The following KIAA0319L variants were observed in gnomAD, a reference collection of about 807,000 sequenced individuals.
The protein encoded by KIAA0319L is dyslexia-associated protein KIAA0319-like protein.
A neutral mutation model predicts 120.1 loss-of-function variants in KIAA0319L; 55 were observed. The observed-to-expected ratio is 0.46, with a 90% CI of 0.37 to 0.57. KIAA0319L has a LOEUF of 0.57. KIAA0319L is among the 20% of genes least tolerant of loss of function. KIAA0319L has a pLI of 0.00. For synonymous variants in KIAA0319L, 398 were observed against 471.9 expected (o/e 0.84, Z 2.03); for missense variants, 1,049 against 1,255.3 (o/e 0.84, Z 2.48).
intron 16 of KIAA0319L, among the ~76,000 whole-genome samples, chr1:35,446,418 C>T (rs1453325495): frequency 2.0e-5 from 3 of 152,204 alleles, no homozygotes; most frequent in African/African-American, 7.2e-5. Context: ...AATCCTACCT[C>T]CCATATTATT....
At chr1:35,519,321 A>T (rs1344659556) in intron 2 of KIAA0319L, among the ~76,000 whole-genome samples, 3 of 152,186 alleles carry the variant, frequency 2.0e-5, no homozygotes, top group Non-Finnish European at 4.4e-5. Flanking sequence ...TAAAAAAAAT[A>T]AAATAAAAGT....
chr1:35,511,175 T>A (rs918430953), intron 2 of KIAA0319L: 3 of 153,644 alleles, frequency 2.0e-5, no homozygotes, highest in Non-Finnish European at 4.4e-5. Context: ...AGAAAACTCA[T>A]AGTGGAAATA....
At chr1:35,447,668 C>A (rs988283645) in intron 16 of KIAA0319L, among the ~76,000 whole-genome samples, 3 of 151,424 alleles carry the variant, frequency 2.0e-5, no homozygotes, top group African/African-American at 7.3e-5. Flanking sequence ...AACCCCTGGG[C>A]TCAAGTAATT....
At chr1:35,477,405 C>T (rs141150986) in intron 4 of KIAA0319L, among the ~76,000 whole-genome samples, 2,317 of 152,266 alleles carry the variant, frequency 0.015, 55 homozygotes, top group African/African-American at 0.052. Context: ...CGGTGGCTCA[C>T]GCCTGTAATC....
chr1:35,526,041 T>C (rs942749325), intron 2 of KIAA0319L, among the ~76,000 whole-genome samples: 2 of 152,038 alleles, frequency 1.3e-5, no homozygotes, highest in African/African-American at 4.8e-5. Flanking sequence ...TCTAGTTTCA[T>C]TCTTCTGTGT....
chr1:35,515,317 A>C (rs1645636800), intron 2 of KIAA0319L, among the ~76,000 whole-genome samples: 1 of 150,264 alleles, frequency 6.7e-6, no homozygotes, highest in South Asian at 2.1e-4. Flanking sequence ...CATCTCAAAA[A>C]AAAAAAAAAA....
intron 2 of KIAA0319L, among the ~76,000 whole-genome samples, chr1:35,527,573 T>C (rs1248115064): frequency 6.6e-6 from 1 of 152,218 alleles, no homozygotes; most frequent in Admixed American, 6.5e-5. Context: ...TGATTCAATC[T>C]TGTGACTTGT....
intron 6 of KIAA0319L, 85 bp from the exon 7 acceptor site, chr1:35,466,780 C>T (rs368212255): frequency 4.2e-6 from 4 of 942,992 alleles, no homozygotes; most frequent in Middle Eastern, 3.1e-4. Flanking sequence ...CTTTCCCAAG[C>T]TGAATCTTTC....
intron 3 of KIAA0319L, among the ~76,000 whole-genome samples, chr1:35,491,108 A>C (rs1245923678): frequency 6.6e-6 from 1 of 152,246 alleles, no homozygotes; most frequent in Non-Finnish European, 1.5e-5. Context: ...ATACTGTAGG[A>C]ATTTAATGGC....
In KIAA0319L at chr1:35,437,121, C is replaced by G. The variant is rs1640854103; in HGVS notation, c.2963-2040G>C. On this transcript the variant is annotated intron_variant, in intron 20 of 20. Coordinates refer to ENST00000325722, the MANE Select transcript of KIAA0319L (RefSeq NM_024874.5). The surrounding 1 kb of genome is among the most constrained non-coding windows in gnomAD (Gnocchi z 4.1). ...GCCCTGCTGCCCTCACCTGGTCGCACGTTGTTGGTTTTGGTCACCTAGATG... is the reference window on the plus strand; with the variant it reads ...GCCCTGCTGCCCTCACCTGGTCGCAGGTTGTTGGTTTTGGTCACCTAGATG... Among the ~76,000 whole-genome samples, 1 of 152,272 alleles carries G rather than the reference C, an allele frequency of 6.6e-6. No individual in the cohort carries two copies. Among genetic ancestry groups the G allele is most frequent in the Non-Finnish European group, 1.5e-5 (1 of 68,012 alleles).
chr1:35,517,077 A>G (rs1645711053), intron 2 of KIAA0319L, among the ~76,000 whole-genome samples: 1 of 152,246 alleles, frequency 6.6e-6, no homozygotes, highest in Non-Finnish European at 1.5e-5. Context: ...AATAAATGGA[A>G]AAACATGCCA....
intron 2 of KIAA0319L, among the ~76,000 whole-genome samples, chr1:35,532,012 G>A (rs151066500): frequency 0.016 from 2,402 of 152,230 alleles, 59 homozygotes; most frequent in African/African-American, 0.055. Context: ...TATAATCCCA[G>A]CACTTTGGGA....
At chr1:35,551,373 T>C (rs1647191771) in intron 2 of KIAA0319L, among the ~76,000 whole-genome samples, 2 of 152,132 alleles carry the variant, frequency 1.3e-5, no homozygotes, top group African/African-American at 4.8e-5. Flanking sequence ...GCTGGAATGC[T>C]GTGGTGCGGT....
chr1:35,454,713 T>G, intron 10 of KIAA0319L: 1 of 1,112,310 alleles, frequency 9.0e-7, no homozygotes, highest in Non-Finnish European at 1.2e-6. Flanking sequence ...CAGCAGCAGT[T>G]TCAAATAAAG....
chr1:35,556,278 T>A (rs1412939188), intron 1 of KIAA0319L, among the ~76,000 whole-genome samples: 4 of 152,202 alleles, frequency 2.6e-5, no homozygotes. Context: ...TTCAGGTTGA[T>A]GGGGGATGTA....
chr1:35,479,947 CAAAAAAAA>C (rs71062878), intron 3 of KIAA0319L, among the ~76,000 whole-genome samples: 7 of 32,290 alleles, frequency 2.2e-4, no homozygotes, highest in Non-Finnish European at 4.0e-4. Context: ...TATGATGAGC[CAAAAAAAA>C]AAAAAAAAAA....
At chr1:35,537,326 C>T (rs1423190342) in intron 2 of KIAA0319L, among the ~76,000 whole-genome samples, 2 of 151,256 alleles carry the variant, frequency 1.3e-5, no homozygotes, top group Non-Finnish European at 2.9e-5. Flanking sequence ...GAAACCCACA[C>T]AAAGAACCCT....
In KIAA0319L at chr1:35,435,005, G is replaced by GAAGAC; in HGVS notation, c.3038_3039insGTCTT (p.Ile1013MetfsTer29). On this transcript the variant is annotated frameshift_variant, in exon 21 of 21. Coordinates refer to ENST00000325722, the MANE Select transcript of KIAA0319L (RefSeq NM_024874.5). LOFTEE classifies it high-confidence loss of function. ...CCTTCTCTCGGTCTGGCCATGTAAAGATGGCATCATCGCTGTCCAGCTCTG... is the reference window on the plus strand; with the variant it reads ...CCTTCTCTCGGTCTGGCCATGTAAAGAAGACATGGCATCATCGCTGTCCAGCTCTG... The GAAGAC allele has an allele frequency of 6.2e-7, 1 of 1,614,182 alleles. No individual in the cohort carries two copies. The highest frequency in any genetic ancestry group is 8.5e-7 in the Non-Finnish European group (1 of 1,179,998).
At position 35,554,380 on chromosome 1, in the gene KIAA0319L, A is replaced by G. The variant is rs1647618063; in HGVS notation, c.112T>C (p.Phe38Leu). ...LRSLYLFYTC[F>L]CFSVLWLSTD... ...GACAACCACAGAACGCTGAAGCAAA[A>G]GCAAGTATAAAACAGGTACAGGCTT... The change falls in exon 2 of 21, where the codon TTT becomes CTT. Residue 38 changes from phenylalanine to leucine, a missense_variant. By Grantham distance (22) the Phe-to-Leu change is conservative. Transcript: ENST00000325722. 1 of 1,607,344 alleles carries G rather than the reference A, an allele frequency of 6.2e-7. No individual in the cohort carries two copies. The highest frequency in any genetic ancestry group is 1.3e-5 in the African/African-American group (1 of 74,562).
Sources: allele counts gnomAD v4.1 joint callset (sites outside exome capture counted in the v4.1 genomes callset), GRCh38; gene constraint gnomAD v4.1.1; non-coding constraint Gnocchi (gnomAD v3.1); transcripts MANE v1.5; gene names NCBI Gene and HGNC (gene_info 2026-07-23, HGNC 2026-07-21).